The following HSPH1 variants were observed in gnomAD, a reference collection of about 807,000 sequenced individuals.
The protein encoded by HSPH1 is heat shock protein family H (Hsp110) member 1, also known as heat shock protein 105 kDa.
In HSPH1, 40 loss-of-function variants were observed where a neutral mutation model predicts 100.0. The ratio of observed to expected loss-of-function variants is 0.40; its 90% CI spans 0.31 to 0.52. The LOEUF (loss-of-function observed/expected upper bound fraction) is 0.52, where lower values mean the gene tolerates loss of function less well. HSPH1 is among the 20% of genes least tolerant of loss of function. The pLI, the probability that HSPH1 is intolerant of heterozygous loss-of-function variation, is 0.54. For synonymous variants in HSPH1, 403 were observed against 344.0 expected, an observed-to-expected ratio of 1.17 and a Z score of -1.90; for missense variants, 876 against 1,015.1, an observed-to-expected ratio of 0.86 and a Z score of 1.86.
intron 2 of HSPH1, 57 bp downstream of exon 2, chr13:31,158,749 T>C (rs1178394218): frequency 2.7e-6 from 3 of 1,101,208 alleles, no homozygotes; most frequent in Non-Finnish European, 4.2e-6. Context: ...CTCTTGAGAT[T>C]TTCCTTTTAA....
chr13:31,157,928 TTTAC>T (rs58783434), intron 2 of HSPH1, among the ~76,000 whole-genome samples: 40,573 of 151,850 alleles, frequency 0.27, 5,621 homozygotes, highest in East Asian at 0.45. Context: ...GATACCGTAC[TTTAC>T]TTTTCAATTC....
intron 13 of HSPH1, 144 bp from the exon 14 acceptor site, chr13:31,140,453 T>C (rs951187431): frequency 3.0e-5 from 17 of 564,506 alleles, no homozygotes; most frequent in African/African-American, 7.6e-5. Flanking sequence ...TGTCAAACTC[T>C]TCCTACAAAC....
At chr13:31,144,041 G>A in intron 11 of HSPH1, 118 bp from the exon 12 acceptor site, 1 of 838,186 alleles carries the variant, frequency 1.2e-6, no homozygotes, top group Non-Finnish European at 1.7e-6. Flanking sequence ...CAGGTGGGGA[G>A]AAAAGGTACT....
At position 31,137,194 on chromosome 13, in the gene HSPH1, A is replaced by G. The variant is rs1955910370; in HGVS notation, c.*124T>C. On this transcript the variant is annotated 3_prime_UTR_variant, in exon 18 of 18. Transcript: ENST00000320027. ...TTAAGCTTTTTTTCTTTTTCCATAT[A>G]ATACACAAAATTTCTAAATATCCTT... 2 of 741,388 alleles carry G rather than the reference A, an allele frequency of 2.7e-6. No individual in the cohort carries two copies. The highest frequency in any genetic ancestry group is 4.7e-6 in the Non-Finnish European group (2 of 425,870). The allele number at this position is 741,388 out of a possible 1,614,324, so 45.9% of individuals were successfully genotyped here. A position where few individuals can be genotyped will look rare whatever the true frequency, so the allele number is the denominator to read the frequency against.
At chr13:31,154,349 CA>C (rs1956600104) in intron 4 of HSPH1, 2 of 448,366 alleles carry the variant, frequency 4.5e-6, no homozygotes, top group African/African-American at 2.0e-5. Flanking sequence ...CCTGATAGTG[CA>C]GCAACTAACT....
At position 31,161,520 on chromosome 13, in the gene HSPH1, C is replaced by A; in HGVS notation, c.63G>T (p.Gly21=). The change falls in exon 1 of 18, where the codon GGG becomes GGT. Residue 21 remains glycine, a synonymous_variant. Coordinates refer to ENST00000320027, the MANE Select transcript of HSPH1 (RefSeq NM_006644.4). ...QSCYIAVARA[G]GIETIANEFS... ...ACTCATTGGCGATGGTCTCGATGCCCCCGGCCCGGGCTACCGCGATGTAGC... is the reference window on the plus strand; with the variant it reads ...ACTCATTGGCGATGGTCTCGATGCCACCGGCCCGGGCTACCGCGATGTAGC... The A allele has an allele frequency of 6.2e-7, 1 of 1,614,066 alleles. No homozygotes were observed. The highest frequency in any genetic ancestry group is 1.3e-5 in the African/African-American group (1 of 75,050).
At position 31,154,656 on chromosome 13, in the gene HSPH1, G is replaced by A; in HGVS notation, c.406C>T (p.Pro136Ser). The A allele has an allele frequency of 6.2e-7, 1 of 1,614,076 alleles. No individual in the cohort carries two copies. The highest frequency in any genetic ancestry group is 8.5e-7 in the Non-Finnish European group (1 of 1,179,960). Residue 136 changes from proline to serine, a missense_variant, in exon 4 of 18, where the codon CCA becomes TCA. Pro to Ser is a moderately conservative substitution (Grantham distance 74, BLOSUM62 -1). Transcript: ENST00000320027. ...KETAENSLKK[P>S]VTDCVISVPS... ...ACTGAAATAACACAATCTGTTACTG[G>A]TTTCTTGAGGCTGTTTTCAGCAGTT...
chr13:31,152,781 A>G, intron 5 of HSPH1, 71 bp downstream of exon 5: 1 of 1,054,468 alleles, frequency 9.5e-7, no homozygotes, highest in South Asian at 1.3e-5. Context: ...TATCTATAAG[A>G]AAGTAATAGC....
intron 11 of HSPH1, among the ~76,000 whole-genome samples, chr13:31,144,381 A>T (rs376788680): frequency 3.3e-5 from 5 of 152,252 alleles, no homozygotes; most frequent in African/African-American, 1.2e-4. Context: ...GCCAATTATC[A>T]GTTATTTCGG....
intron 1 of HSPH1, among the ~76,000 whole-genome samples, chr13:31,160,782 A>G (rs528554314): frequency 1.3e-5 from 2 of 152,328 alleles, no homozygotes; most frequent in Non-Finnish European, 2.9e-5. Context: ...AATGGCAAAG[A>G]GCAAAAAAAA....
Position 31,156,322 on chromosome 13 carries a change from G to A in HSPH1, c.166-668C>T, listed in dbSNP as rs544206397. On this transcript the variant is annotated intron_variant, in intron 2 of 17. Coordinates refer to ENST00000320027, the MANE Select transcript of HSPH1 (RefSeq NM_006644.4). ...GGAGAATGGCATGAACCCAGGAGGCGGAGCTTGCAGTGAGCCAAGATCGTG... is the reference window on the plus strand; with the variant it reads ...GGAGAATGGCATGAACCCAGGAGGCAGAGCTTGCAGTGAGCCAAGATCGTG... Among the ~76,000 whole-genome samples, 41 of 152,144 alleles carry A rather than the reference G, an allele frequency of 2.7e-4. No homozygotes were observed. In the South Asian group the frequency reaches 3.1e-3, roughly 12 times the overall value.
chr13:31,142,315 A>T (rs879246559), intron 12 of HSPH1, among the ~76,000 whole-genome samples: 2 of 152,236 alleles, frequency 1.3e-5, no homozygotes, highest in Admixed American at 6.5e-5. Context: ...CCCACGTTCC[A>T]GAGACTGATC....
chr13:31,160,238 T>G (rs1593219900), intron 1 of HSPH1, among the ~76,000 whole-genome samples: 1 of 152,338 alleles, frequency 6.6e-6, no homozygotes, highest in Middle Eastern at 3.4e-3. Context: ...TACTGTTTTC[T>G]TTCTTACTAA....
chr13:31,154,572 A>C (rs1956610812), intron 4 of HSPH1, 61 bp downstream of exon 4: 1 of 1,592,390 alleles, frequency 6.3e-7, no homozygotes, highest in Admixed American at 1.7e-5. Flanking sequence ...TTCATACTTA[A>C]AAGTAATACA....
At chr13:31,139,514 C>T (rs994077944) in intron 14 of HSPH1, among the ~76,000 whole-genome samples, 1 of 151,946 alleles carries the variant, frequency 6.6e-6, no homozygotes, top group Non-Finnish European at 1.5e-5. Context: ...CTACCTGGTT[C>T]GGTCATCTCA....
Position 31,137,259 on chromosome 13 carries a change from G to C in HSPH1, c.*59C>G. The stretch of plus-strand genomic sequence containing the variant: ...AAATAGTTTCAGTATGTTATGTAGA[G>C]TCACATACTATGGCAAAAATATTTT... On this transcript the variant is annotated 3_prime_UTR_variant, in exon 18 of 18. Coordinates refer to ENST00000320027, the MANE Select transcript of HSPH1 (RefSeq NM_006644.4). 1 of 1,005,960 alleles carries C rather than the reference G, an allele frequency of 9.9e-7. No individual in the cohort carries two copies. Among genetic ancestry groups the C allele is most frequent in the South Asian group, 1.4e-5 (1 of 70,418 alleles). The allele number at this position is 1,005,960 out of a possible 1,614,324, so 62.3% of individuals were successfully genotyped here.
chr13:31,161,445 C>T, intron 1 of HSPH1, 31 bp downstream of exon 1: 2 of 1,612,786 alleles, frequency 1.2e-6, no homozygotes, highest in Non-Finnish European at 1.7e-6. Context: ...CCAGAACCTC[C>T]TCCCATCCAC....
At chr13:31,140,158 A>T (rs1284679794) in intron 14 of HSPH1, 26 bp downstream of exon 14, 1 of 1,595,970 alleles carries the variant, frequency 6.3e-7, no homozygotes, top group Non-Finnish European at 8.6e-7. Context: ...AGACTATCTG[A>T]ACAAAAACAG....
At chr13:31,147,915 A>G in intron 10 of HSPH1, 44 bp downstream of exon 10, 1 of 1,502,084 alleles carries the variant, frequency 6.7e-7, no homozygotes, top group South Asian at 1.3e-5. Context: ...TGAGAAGCTA[A>G]GTCTTTAACT....
Sources: allele counts gnomAD v4.1 joint callset (sites outside exome capture counted in the v4.1 genomes callset), GRCh38; gene constraint gnomAD v4.1.1; transcripts MANE v1.5; gene names NCBI Gene and HGNC (gene_info 2026-07-23, HGNC 2026-07-21).